NDUFA10: variants seen among roughly 807,000 people sequenced by gnomAD.
The protein encoded by NDUFA10 is NADH dehydrogenase [ubiquinone] 1 alpha subcomplex subunit 10, mitochondrial.
In NDUFA10, 40 loss-of-function variants were observed where a neutral mutation model predicts 47.8. The ratio of observed to expected loss-of-function variants is 0.84; its 90% CI spans 0.65 to 1.09. The LOEUF (loss-of-function observed/expected upper bound fraction) is 1.09, where lower values mean the gene tolerates loss of function less well. Ranked by LOEUF, NDUFA10 falls within the 50% of genes least tolerant of loss-of-function variation. The probability of loss-of-function intolerance (pLI) is 0.00; values close to 1 mark genes in which losing one functional copy is unlikely to be tolerated. For missense variants in NDUFA10, 413 were observed against 451.1 expected (o/e 0.92, Z 0.76); for synonymous variants, 183 against 172.2 (o/e 1.06, Z -0.49).
At chr2:239,985,052 T>C (rs1404441379) in intron 9 of NDUFA10, among the ~76,000 whole-genome samples, 3 of 152,108 alleles carry the variant, frequency 2.0e-5, no homozygotes, top group African/African-American at 7.2e-5. Flanking sequence ...CAGAAGACGG[T>C]AAAGCGCATC....
intron 3 of NDUFA10, chr2:240,020,987 T>C (rs898745946): frequency 1.6e-6 from 1 of 613,936 alleles, no homozygotes; most frequent in East Asian, 2.8e-5. Flanking sequence ...TCCATAAATC[T>C]CACTCCAGTA....
chr2:239,913,613 G>T (rs538825354), intron 4 of NDUFA10, among the ~76,000 whole-genome samples: 6 of 152,322 alleles, frequency 3.9e-5, no homozygotes, highest in East Asian at 3.9e-4. Flanking sequence ...CAAGGGGCAG[G>T]GTCCTTTCCT....
At chr2:239,920,827 C>T (rs1326965270) in intron 4 of NDUFA10, among the ~76,000 whole-genome samples, 1 of 152,172 alleles carries the variant, frequency 6.6e-6, no homozygotes, top group African/African-American at 2.4e-5. Context: ...CAGATGAACA[C>T]AGTTCCTAGA....
chr2:239,990,089 T>C lies in NDUFA10; in HGVS notation c.984A>G (p.Leu328=). ...TIGAHQTDRV[L]HQFRELPGRK... is the part of the protein sequence containing the mutation. ...ACAGTCTTACCTCTCTGAACTGATG[T>C]AAGACACGGTCAGTCTGATGAGCTC... Residue 328 remains leucine, a synonymous_variant, in exon 9 of 10, where the codon TTA becomes TTG. Coordinates refer to ENST00000252711, the MANE Select transcript of NDUFA10 (RefSeq NM_004544.4). 6.2e-7 allele frequency: 1 copy of C among 1,610,848 alleles called. No individual in the cohort carries two copies.
chr2:239,954,111 G>A (rs148881656), downstream of NDUFA10, among the ~76,000 whole-genome samples: 5,530 of 147,280 alleles, frequency 0.038, 440 homozygotes, highest in African/African-American at 0.13. Flanking sequence ...CAGGCCAGCT[G>A]AGTGACCACC....
At chr2:240,017,879 C>T in intron 4 of NDUFA10, 1 of 1,570,914 alleles carries the variant, frequency 6.4e-7, no homozygotes, top group Non-Finnish European at 8.6e-7. Flanking sequence ...CAGATTCCAG[C>T]TTTCCACTGG....
intron 6 of NDUFA10, among the ~76,000 whole-genome samples, chr2:240,010,573 G>A (rs1226202096): frequency 6.6e-6 from 1 of 151,954 alleles, no homozygotes; most frequent in Non-Finnish European, 1.5e-5. Context: ...TGTGGCCTTG[G>A]AAATAGGGCA....
At chr2:239,999,248 G>A (rs1227046694) in intron 8 of NDUFA10, among the ~76,000 whole-genome samples, 5 of 152,190 alleles carry the variant, frequency 3.3e-5, no homozygotes, top group Non-Finnish European at 5.9e-5. Flanking sequence ...AGGGATGCAC[G>A]TTTTCATTCT....
intron 9 of NDUFA10, among the ~76,000 whole-genome samples, chr2:239,969,273 G>A (rs1695214126): frequency 2.0e-5 from 3 of 152,170 alleles, no homozygotes; most frequent in Admixed American, 2.0e-4. Context: ...CATAAGGAGA[G>A]AACTGGAAAA....
intron 6 of NDUFA10, among the ~76,000 whole-genome samples, chr2:240,009,792 T>C (rs928700832): frequency 8.5e-5 from 13 of 152,218 alleles, no homozygotes; most frequent in African/African-American, 3.1e-4. Flanking sequence ...TTACTGTTTA[T>C]TAATTATCTA....
chr2:239,969,824 A>C, intron 9 of NDUFA10: 1 of 468,100 alleles, frequency 2.1e-6, no homozygotes, highest in South Asian at 1.6e-5. Context: ...GTGAGCTTGA[A>C]GGCAGAGCAG....
At chr2:239,997,408 A>G (rs1396329766) in intron 8 of NDUFA10, among the ~76,000 whole-genome samples, 1 of 152,256 alleles carries the variant, frequency 6.6e-6, no homozygotes, top group African/African-American at 2.4e-5. Context: ...TATAAAATGC[A>G]AAGTAAAACA....
At chr2:239,952,512 A>G (rs1422566245), downstream of NDUFA10, among the ~76,000 whole-genome samples, 1 of 152,154 alleles carries the variant, frequency 6.6e-6, no homozygotes, top group African/African-American at 2.4e-5. Flanking sequence ...TGTAGGTGGG[A>G]AGAGCTTCTG....
Position 239,982,312 on chromosome 2 carries a change from A to G in NDUFA10, c.999+7762T>C, listed in dbSNP as rs893522675. Reference sequence around the variant, plus strand: ...GTTACTTGTCTTTTGCAATTTTCATAAAGCAAAACCTGAACTCTTTTCTAA... The same window carrying G: ...GTTACTTGTCTTTTGCAATTTTCATGAAGCAAAACCTGAACTCTTTTCTAA... On this transcript the variant is annotated intron_variant, in intron 9 of 9. Transcript: ENST00000252711. The G allele has an allele frequency of 1.6e-5, 24 of 1,539,490 alleles. 1 individual carries two copies. The South Asian group carries it at 2.6e-4, about 16-fold the overall frequency.
chr2:239,969,612 A>T, intron 9 of NDUFA10: 1 of 470,186 alleles, frequency 2.1e-6, no homozygotes, highest in Non-Finnish European at 4.4e-6. Flanking sequence ...TCTTTCCTGG[A>T]TTCTTTCTTC....
intron 4 of NDUFA10, among the ~76,000 whole-genome samples, chr2:239,902,335 C>A (rs1479505346): frequency 4.5e-5 from 2 of 44,820 alleles, no homozygotes; most frequent in East Asian, 4.2e-3. Flanking sequence ...CAACTCCAGA[C>A]AAAACCCTCC....
chr2:239,946,206 C>A (rs1465457586), intron 4 of NDUFA10, among the ~76,000 whole-genome samples: 3 of 152,130 alleles, frequency 2.0e-5, no homozygotes, highest in African/African-American at 7.2e-5. Flanking sequence ...GCTCCGTCAC[C>A]CTCCTAGGTG....
chr2:239,919,844 G>A (rs1305800500), intron 4 of NDUFA10, among the ~76,000 whole-genome samples: 3 of 152,232 alleles, frequency 2.0e-5, no homozygotes, highest in Non-Finnish European at 4.4e-5. Flanking sequence ...AGAATGCGGG[G>A]GAAGACACGG....
downstream of NDUFA10, among the ~76,000 whole-genome samples, chr2:239,956,869 G>C (rs911037286): frequency 4.6e-5 from 7 of 152,160 alleles, no homozygotes; most frequent in Admixed American, 4.6e-4. Context: ...TCCTGCCCCA[G>C]CCAGCTCAGC....
Sources: gnomAD v4.1 joint callset for allele counts (sites outside exome capture counted in the v4.1 genomes callset) on GRCh38, gnomAD v4.1.1 for gene constraint, MANE v1.5 for transcripts, NCBI Gene and HGNC (gene_info 2026-07-23, HGNC 2026-07-21) for gene names.